DPYSL2: variants seen among roughly 807,000 people sequenced by gnomAD.
DPYSL2 encodes the protein dihydropyrimidinase-related protein 2.
A neutral mutation model predicts 69.9 loss-of-function variants in DPYSL2; 13 were observed. The ratio of observed to expected loss-of-function variants is 0.19; its 90% CI spans 0.12 to 0.30. The LOEUF is 0.30. DPYSL2 is among the 10% of genes least tolerant of loss of function. The pLI is 1.00. For synonymous variants in DPYSL2, 326 were observed against 359.1 expected (o/e 0.91, Z 1.04); for missense variants, 587 against 918.9 (o/e 0.64, Z 4.67).
At chr8:26,622,143 T>C (rs1168617938) in intron 3 of DPYSL2, among the ~76,000 whole-genome samples, 2 of 54,174 alleles carry the variant, frequency 3.7e-5, no homozygotes, top group African/African-American at 5.7e-5. Flanking sequence ...CCTTCCTTCC[T>C]TCCTTCCTTC....
At chr8:26,535,151 G>A (rs1800570897) in intron 1 of DPYSL2, among the ~76,000 whole-genome samples, 2 of 152,218 alleles carry the variant, frequency 1.3e-5, no homozygotes, top group African/African-American at 4.8e-5. Context: ...TTCTGTTGAA[G>A]GACTTCTTCC....
intron 1 of DPYSL2, chr8:26,578,114 G>C (rs1801402199): frequency 6.5e-7 from 1 of 1,527,508 alleles, no homozygotes; most frequent in African/African-American, 1.4e-5. Flanking sequence ...TTTCCTAATA[G>C]CAAGACCAGC....
chr8:26,594,090 C>T (rs867390471), intron 3 of DPYSL2, among the ~76,000 whole-genome samples: 1 of 152,212 alleles, frequency 6.6e-6, no homozygotes, highest in Non-Finnish European at 1.5e-5. Flanking sequence ...AGAATCAGAT[C>T]TAAGTTTAAC....
Position 26,560,936 on chromosome 8 carries a change from C to G in DPYSL2, c.355-21033C>G, listed in dbSNP as rs1398773012. On this transcript the variant is annotated intron_variant, in intron 1 of 13. Transcript: ENST00000521913. This position sits in a 1 kb window ranked among gnomAD's most constrained non-coding sequence, Gnocchi z 4.4. Reference sequence around the variant, plus strand: ...AGTCTAAAGAAGAATTTAAATTGAGCTAGGGGAAGGGAAGTTGTAAGAGAG... The same window carrying G: ...AGTCTAAAGAAGAATTTAAATTGAGGTAGGGGAAGGGAAGTTGTAAGAGAG... 3.9e-5 allele frequency among the ~76,000 whole-genome samples: 6 copies of G among 152,056 alleles called. No individual in the cohort carries two copies. In the East Asian group the frequency reaches 7.7e-4, roughly 20 times the overall value.
At position 26,514,118 on chromosome 8, in the gene DPYSL2, G is replaced by A. The variant is rs1585481983; in HGVS notation, c.-208G>A. 2.5e-6 allele frequency: 1 copy of A among 404,926 alleles called. No homozygotes were observed. Among genetic ancestry groups the A allele is most frequent in the East Asian group, 3.7e-5 (1 of 27,008 alleles). The allele number at this position is 404,926 out of a possible 1,614,324, so 25.1% of individuals were successfully genotyped here. Reference sequence around the variant, plus strand: ...TCGCGCTGTAGCCGCGGGGGGCGTGGGCAGGGAGGGGAGAAGCGGGGTCAG... The same window carrying A: ...TCGCGCTGTAGCCGCGGGGGGCGTGAGCAGGGAGGGGAGAAGCGGGGTCAG... On this transcript the variant is annotated 5_prime_UTR_variant, in exon 1 of 14. Transcript: ENST00000521913. This position sits in a 1 kb window ranked among gnomAD's most constrained non-coding sequence, Gnocchi z 8.4.
rs117327079 is a variant in DPYSL2, at chr8:26,635,414, T to C, written c.1126+514T>C. 1.7e-3 allele frequency among the ~76,000 whole-genome samples: 261 copies of C among 152,268 alleles called. 8 individuals are homozygous for C. In the East Asian group the frequency reaches 0.043, roughly 25 times the overall value. ...ATGCATTCTGAACTGGGGCTGGGTCTCTGGTATTACTAGGGTGTCCACTGT... is the reference window on the plus strand; with the variant it reads ...ATGCATTCTGAACTGGGGCTGGGTCCCTGGTATTACTAGGGTGTCCACTGT... On this transcript the variant is annotated intron_variant, in intron 8 of 13. Coordinates refer to ENST00000521913, the MANE Select transcript of DPYSL2 (RefSeq NM_001197293.3).
At position 26,626,876 on chromosome 8, in the gene DPYSL2, C is replaced by T. The variant is rs561383373; in HGVS notation, c.855+198C>T. Among the ~76,000 whole-genome samples, 98 of 152,254 alleles carry T rather than the reference C, an allele frequency of 6.4e-4. No individual in the cohort carries two copies. Among genetic ancestry groups the T allele is most frequent in the African/African-American group, 2.0e-3 (82 of 41,556 alleles). On this transcript the variant is annotated intron_variant, in intron 5 of 13. Transcript: ENST00000521913. The surrounding 1 kb of genome is among the most constrained non-coding windows in gnomAD (Gnocchi z 4.3). ...CTGGCCCCCAGCACTGCCACTCCGC[C>T]GCCCTGGATCTGAGGCTCTGCCCCG...
At chr8:26,596,819 G>A (rs2129796329) in intron 3 of DPYSL2, among the ~76,000 whole-genome samples, 1 of 152,298 alleles carries the variant, frequency 6.6e-6, no homozygotes, top group East Asian at 1.9e-4. Flanking sequence ...GAATGCGAGA[G>A]GAACGTTTGT....
At chr8:26,538,346 G>A (rs1800628777) in intron 1 of DPYSL2, among the ~76,000 whole-genome samples, 1 of 152,166 alleles carries the variant, frequency 6.6e-6, no homozygotes, top group Non-Finnish European at 1.5e-5. Flanking sequence ...TAGTAACCCA[G>A]TGGAGCATGA....
chr8:26,523,540 G>T (rs960133691), intron 1 of DPYSL2, among the ~76,000 whole-genome samples: 3 of 151,916 alleles, frequency 2.0e-5, no homozygotes, highest in Non-Finnish European at 2.9e-5. Flanking sequence ...GACTACTTTA[G>T]GACCCTCATG....
At chr8:26,634,219 G>A (rs1391705428) in intron 7 of DPYSL2, among the ~76,000 whole-genome samples, 2 of 152,300 alleles carry the variant, frequency 1.3e-5, no homozygotes, top group South Asian at 2.1e-4. Flanking sequence ...CAGTGCTGAT[G>A]TCACAGGCTT....
chr8:26,607,979 A>G (rs1044608876), intron 3 of DPYSL2, among the ~76,000 whole-genome samples: 2 of 151,370 alleles, frequency 1.3e-5, no homozygotes, highest in Admixed American at 1.3e-4. Context: ...CAAGAGGCTG[A>G]GGCAGGAGAA....
Position 26,583,858 on chromosome 8 carries a change from G to T in DPYSL2, c.503G>T (p.Arg168Leu). The change falls in exon 3 of 14, where the codon CGG becomes CTG. Residue 168 changes from arginine (R) to leucine (L), a missense_variant. By Grantham distance (102) the Arg-to-Leu change is moderately radical. Around this residue, in one of 3 missense-constraint regions of DPYSL2, gnomAD observed 452 missense variants for 754.3 expected, o/e 0.60. Coordinates refer to ENST00000521913, the MANE Select transcript of DPYSL2 (RefSeq NM_001197293.3). ...GTGAAGACCATCGAGGCCCACTCCC[G>T]GATGGTGATCCCCGGAGGAATTGAC... is the stretch of plus-strand genomic sequence containing the variant. ...GGVKTIEAHS[R>L]MVIPGGIDVH... The T allele has an allele frequency of 6.2e-7, 1 of 1,614,084 alleles. No individual in the cohort carries two copies. Among genetic ancestry groups the T allele is most frequent in the Non-Finnish European group, 8.5e-7 (1 of 1,179,980 alleles).
At position 26,641,986 on chromosome 8, in the gene DPYSL2, C is replaced by T. The variant is rs1176904411; in HGVS notation, c.1127-1453C>T. On this transcript the variant is annotated intron_variant, in intron 8 of 13. Transcript: ENST00000521913. The surrounding 1 kb of genome is among the most constrained non-coding windows in gnomAD (Gnocchi z 4.1). ...GAGAGGAAGGAAAACACATTCCTGA[C>T]TGTGGTGTGTTTGCCCTTGAGGGCC... Among the ~76,000 whole-genome samples, 1 of 152,168 alleles carries T rather than the reference C, an allele frequency of 6.6e-6. No homozygotes were observed. The highest frequency in any genetic ancestry group is 2.4e-5 in the African/African-American group (1 of 41,450).
chr8:26,547,382 C>T (rs1327303483), intron 1 of DPYSL2, among the ~76,000 whole-genome samples: 1 of 150,790 alleles, frequency 6.6e-6, no homozygotes, highest in Non-Finnish European at 1.5e-5. Context: ...AAATTGCTTA[C>T]TGGAGCAGAA....
intron 1 of DPYSL2, among the ~76,000 whole-genome samples, chr8:26,557,184 AT>A (rs922581002): frequency 2.0e-5 from 3 of 152,254 alleles, no homozygotes; most frequent in African/African-American, 7.2e-5. Flanking sequence ...CATGAAAAAA[AT>A]AATTGATAAG....
intron 1 of DPYSL2, among the ~76,000 whole-genome samples, chr8:26,524,897 T>A (rs1808452233): frequency 6.6e-6 from 1 of 151,120 alleles, no homozygotes; most frequent in Admixed American, 6.6e-5. Flanking sequence ...TTGTTGGAGC[T>A]ATTTCCCAAG....
rs966099832 is a variant in DPYSL2, at chr8:26,650,154, T to G, written c.1597-2103T>G. On this transcript the variant is annotated intron_variant, in intron 11 of 13. Transcript: ENST00000521913. The surrounding 1 kb of genome is among the most constrained non-coding windows in gnomAD (Gnocchi z 5.3). ...GATGCTTTTGTTCATTTTATTTCAT[T>G]TGATTCTCACATGAGTCCTGCAAAG... 2.0e-5 allele frequency among the ~76,000 whole-genome samples: 3 copies of G among 152,202 alleles called. No homozygotes were observed. Among genetic ancestry groups the G allele is most frequent in the African/African-American group, 7.2e-5 (3 of 41,454 alleles).
chr8:26,557,933 T>A (rs1347863896), intron 1 of DPYSL2, among the ~76,000 whole-genome samples: 1 of 151,734 alleles, frequency 6.6e-6, no homozygotes, highest in African/African-American at 2.4e-5. Flanking sequence ...TCGCTCTACA[T>A]CCTAACACCA....
Sources: allele counts gnomAD v4.1 joint callset (sites outside exome capture counted in the v4.1 genomes callset), GRCh38; gene constraint gnomAD v4.1.1; regional missense constraint gnomAD v4.1.1; non-coding constraint Gnocchi (gnomAD v3.1); transcripts MANE v1.5; gene names NCBI Gene and HGNC (gene_info 2026-07-23, HGNC 2026-07-21).